IQCH: variants seen among roughly 807,000 people sequenced by gnomAD.
IQCH encodes the protein IQ motif containing H.
In IQCH, 98 loss-of-function variants were observed where a neutral mutation model predicts 117.0. The observed-to-expected ratio is 0.84, with a 90% CI of 0.71 to 0.99. The LOEUF (loss-of-function observed/expected upper bound fraction) is 0.99. Ranked by LOEUF, IQCH falls within the 50% of genes least tolerant of loss-of-function variation. The probability of loss-of-function intolerance (pLI) is 0.00; values close to 1 mark genes in which losing one functional copy is unlikely to be tolerated. For synonymous variants in IQCH, 412 were observed against 448.2 expected (o/e 0.92, Z 1.02); for missense variants, 1,102 against 1,243.8 (o/e 0.89, Z 1.72).
At position 67,416,568 on chromosome 15, in the gene IQCH, CACATTTTATATAAAGGGAA is replaced by C. The variant is rs2140907357; in HGVS notation, c.2098-360_2098-342del. On this transcript the variant is annotated intron_variant, in intron 14 of 20. Coordinates refer to ENST00000335894, the MANE Select transcript of IQCH (RefSeq NM_001031715.3). This position sits in a 1 kb window ranked among gnomAD's most constrained non-coding sequence, Gnocchi z 5.1. ...CAAAAACAAAAAAAACAGTTAACCCCACATTTTATATAAAGGGAAACTGAGGCCCAGAATGAGAAAAGAT... is the reference window on the plus strand; with the variant it reads ...CAAAAACAAAAAAAACAGTTAACCCCACTGAGGCCCAGAATGAGAAAAGAT... 6.6e-6 allele frequency among the ~76,000 whole-genome samples: 1 copy of C among 151,822 alleles called. No homozygotes were observed. The highest frequency in any genetic ancestry group is 1.9e-4 in the East Asian group (1 of 5,158).
chr15:67,389,212 T>C (rs1971202825), intron 12 of IQCH, among the ~76,000 whole-genome samples: 1 of 152,338 alleles, frequency 6.6e-6, no homozygotes, highest in Admixed American at 6.5e-5. Flanking sequence ...GCCCAGTTTC[T>C]CTGTAGTTGT....
chr15:67,284,570 C>T (rs1966488125), intron 4 of IQCH, among the ~76,000 whole-genome samples: 2 of 152,120 alleles, frequency 1.3e-5, no homozygotes, highest in African/African-American at 2.4e-5. Context: ...AGGTATTAAG[C>T]CTAGTACCCA....
At position 67,317,425 on chromosome 15, in the gene IQCH, G is replaced by C. The variant is rs1020946415; in HGVS notation, c.388-19550G>C. 2.0e-5 allele frequency among the ~76,000 whole-genome samples: 3 copies of C among 151,880 alleles called. No individual in the cohort carries two copies. In the South Asian group the frequency reaches 6.2e-4, roughly 32 times the overall value. On this transcript the variant is annotated intron_variant, in intron 4 of 20. Transcript: ENST00000335894. ...TCACCATGTTGGCCAGGCTGGTCTC[G>C]AACTCCTGACCTCAAATGATCTGCC...
intron 18 of IQCH, among the ~76,000 whole-genome samples, chr15:67,477,903 C>G (rs1202791511): frequency 1.3e-5 from 2 of 152,160 alleles, no homozygotes; most frequent in East Asian, 1.9e-4. Flanking sequence ...AGTTCAAGTA[C>G]CCTTGGGGTA....
rs2083186171 is a variant in IQCH, at chr15:67,475,757, TG to T, written c.2740del (p.Val914PhefsTer33). The T allele has an allele frequency of 6.2e-7, 1 of 1,614,144 alleles. No homozygotes were observed. The highest frequency in any genetic ancestry group is 1.7e-5 in the Admixed American group (1 of 60,020). On this transcript the variant is annotated frameshift_variant, in exon 18 of 21. Coordinates refer to ENST00000335894, the MANE Select transcript of IQCH (RefSeq NM_001031715.3). LOFTEE classifies it high-confidence loss of function. This position sits in a 1 kb window ranked among gnomAD's most constrained non-coding sequence, Gnocchi z 5.7. ...CAGCTAAGACACAGCAATCTCTCAC[TG>T]GTTTTCCACTATGTTTTTCTCCAGA... ...TTQLRHSNLSLVFHYVFLQIC... is the reference protein window; with the variant it reads ...TTQLRHSNLSXVFHYVFLQIC...
intron 4 of IQCH, among the ~76,000 whole-genome samples, chr15:67,291,836 C>G (rs908067318): frequency 6.6e-6 from 1 of 152,170 alleles, no homozygotes; most frequent in Non-Finnish European, 1.5e-5. Flanking sequence ...AATGTAAGCT[C>G]CATGAGAGCA....
Position 67,395,279 on chromosome 15 carries a change from A to G in IQCH, c.1633-12A>G. On this transcript the variant is annotated splice_polypyrimidine_tract_variant and intron_variant, in intron 12 of 20. Coordinates refer to ENST00000335894, the MANE Select transcript of IQCH (RefSeq NM_001031715.3). This position sits in a 1 kb window ranked among gnomAD's most constrained non-coding sequence, Gnocchi z 4.0. ...GACACCTTTTAACAAGAATAATATG[A>G]TCTTCCCCCAGAAGCATCATATGTG... 6.2e-7 allele frequency: 1 copy of G among 1,606,622 alleles called. No individual in the cohort carries two copies. Among genetic ancestry groups the G allele is most frequent in the Admixed American group, 1.7e-5 (1 of 59,452 alleles).
intron 16 of IQCH, among the ~76,000 whole-genome samples, chr15:67,423,701 G>A (rs1055665141): frequency 2.0e-5 from 3 of 151,472 alleles, no homozygotes; most frequent in East Asian, 1.9e-4. Flanking sequence ...TCAGGAGTTC[G>A]AGATCAGCCA....
chr15:67,259,525 C>T (rs1318146708), intron 1 of IQCH, among the ~76,000 whole-genome samples: 4 of 152,178 alleles, frequency 2.6e-5, no homozygotes, highest in Non-Finnish European at 4.4e-5. Context: ...TGTACCAAGC[C>T]TATTACATAC....
intron 3 of IQCH, among the ~76,000 whole-genome samples, chr15:67,264,965 A>G (rs1308070122): frequency 1.3e-5 from 2 of 152,150 alleles, no homozygotes; most frequent in African/African-American, 4.8e-5. Context: ...CAAGAGGCCT[A>G]TAGCAGATAG....
In IQCH at chr15:67,481,548, G is replaced by A. The variant is rs1169507380; in HGVS notation, c.2799+5730G>A. 6.6e-6 allele frequency among the ~76,000 whole-genome samples: 1 copy of A among 152,140 alleles called. No homozygotes were observed. The highest frequency in any genetic ancestry group is 6.5e-5 in the Admixed American group (1 of 15,274). On this transcript the variant is annotated intron_variant, in intron 18 of 20. Transcript: ENST00000335894. This position sits in a 1 kb window ranked among gnomAD's most constrained non-coding sequence, Gnocchi z 4.1. ...AAAATAAAATTTGGGTGGGGACACAGCCAAACCATATCAAGTACATATTTG... is the reference window on the plus strand; with the variant it reads ...AAAATAAAATTTGGGTGGGGACACAACCAAACCATATCAAGTACATATTTG...
rs1596391486 is a variant in IQCH, at chr15:67,445,444, T to G, written c.2506-19683T>G. Among the ~76,000 whole-genome samples the G allele has an allele frequency of 6.6e-6, 1 of 151,960 alleles. No homozygotes were observed. The highest frequency in any genetic ancestry group is 1.5e-5 in the Non-Finnish European group (1 of 67,982). On this transcript the variant is annotated intron_variant, in intron 16 of 20. Transcript: ENST00000335894. The surrounding 1 kb of genome is among the most constrained non-coding windows in gnomAD (Gnocchi z 4.3). ...AGAGTACCTACCTCATGTCTGGTTT[T>G]TTTGTTTGTTTTTGAGATGGAGTCT...
intron 3 of IQCH, among the ~76,000 whole-genome samples, chr15:67,270,281 C>T (rs1057411252): frequency 3.9e-5 from 6 of 152,200 alleles, no homozygotes; most frequent in Non-Finnish European, 8.8e-5. Flanking sequence ...TGAAAGTGGG[C>T]ATCCTTGTCT....
intron 1 of IQCH, among the ~76,000 whole-genome samples, chr15:67,258,173 A>G (rs1965303349): frequency 6.6e-6 from 1 of 150,944 alleles, no homozygotes; most frequent in African/African-American, 2.4e-5. Flanking sequence ...TGGAGGGTGC[A>G]GTGAGCCGAG....
At chr15:67,350,571 C>T (rs948343940) in intron 6 of IQCH, among the ~76,000 whole-genome samples, 4 of 152,006 alleles carry the variant, frequency 2.6e-5, no homozygotes, top group Admixed American at 6.5e-5. Flanking sequence ...GGACTACAGG[C>T]GCCCGCAACC....
chr15:67,374,647 A>G (rs1266218835), intron 10 of IQCH, among the ~76,000 whole-genome samples: 1 of 152,214 alleles, frequency 6.6e-6, no homozygotes, highest in East Asian at 1.9e-4. Flanking sequence ...GTTTTGGTCT[A>G]CCTCATGGCT....
chr15:67,266,680 C>T (rs576689154), intron 3 of IQCH, among the ~76,000 whole-genome samples: 15 of 152,150 alleles, frequency 9.9e-5, no homozygotes, highest in African/African-American at 3.4e-4. Flanking sequence ...ATAAAAAAGA[C>T]ATCATACTCT....
At chr15:67,371,994 G>A (rs1970550087) in intron 8 of IQCH, 117 bp from the exon 9 acceptor site, 2 of 885,008 alleles carry the variant, frequency 2.3e-6, no homozygotes, top group Admixed American at 5.4e-5. Flanking sequence ...TCAGTGCTAG[G>A]ATTCATATCT....
intron 4 of IQCH, among the ~76,000 whole-genome samples, chr15:67,327,474 T>C (rs1342567123): frequency 1.3e-5 from 2 of 152,242 alleles, no homozygotes; most frequent in Non-Finnish European, 2.9e-5. Flanking sequence ...CCTTATCTGC[T>C]CATTCTGATA....
Sources: gnomAD v4.1 joint callset for allele counts (sites outside exome capture counted in the v4.1 genomes callset) on GRCh38, gnomAD v4.1.1 for gene constraint, Gnocchi (gnomAD v3.1) non-coding constraint, MANE v1.5 for transcripts, NCBI Gene and HGNC (gene_info 2026-07-23, HGNC 2026-07-21) for gene names.